The following DTNB variants were observed in gnomAD, a reference collection of about 807,000 sequenced individuals.
DTNB encodes dystrobrevin beta, also known as DTN-B.
A neutral mutation model predicts 90.7 loss-of-function variants in DTNB; 63 were observed. The observed-to-expected ratio is 0.69, with a 90% confidence interval of 0.57 to 0.86. The LOEUF is 0.86. Ranked by LOEUF, DTNB falls within the 40% of genes least tolerant of loss-of-function variation. The pLI is 0.00. For synonymous variants in DTNB, 277 were observed against 286.7 expected, an observed-to-expected ratio of 0.97 and a Z score of 0.34; for missense variants, 744 against 807.1, an observed-to-expected ratio of 0.92 and a Z score of 0.95.
Position 25,554,394 on chromosome 2 carries a change from T to G in DTNB, c.876+22444A>C, listed in dbSNP as rs552417590. Among the ~76,000 whole-genome samples, 4 of 152,080 alleles carry G rather than the reference T, an allele frequency of 2.6e-5. No individual in the cohort carries two copies. The South Asian group carries it at 8.3e-4, about 32-fold the overall frequency. ...AGTCTCATTTTTTTTTTCAAAAAAT[T>G]TATTGAGAATTTTACTGCTTTACAA... On this transcript the variant is annotated intron_variant, in intron 8 of 20. Coordinates refer to ENST00000406818, the MANE Select transcript of DTNB (RefSeq NM_021907.5).
intron 12 of DTNB, among the ~76,000 whole-genome samples, chr2:25,446,575 T>C (rs558642143): frequency 6.6e-6 from 1 of 152,284 alleles, no homozygotes; most frequent in East Asian, 1.9e-4. Context: ...AAGGGATTTT[T>C]TTTTTCCTTT....
rs74922000 is a variant in DTNB at position 25,567,334 on chromosome 2, G to A, written c.876+9504C>T. Among the ~76,000 whole-genome samples, 149 of 152,236 alleles carry A rather than the reference G, an allele frequency of 9.8e-4. 1 individual carries two copies. Among genetic ancestry groups the A allele is most frequent in the African/African-American group, 3.4e-3 (141 of 41,536 alleles). On this transcript the variant is annotated intron_variant, in intron 8 of 20. Coordinates refer to ENST00000406818, the MANE Select transcript of DTNB (RefSeq NM_021907.5). Reference sequence around the variant, plus strand: ...GAGGGACACCAGTCACATGGAAATTGAACACTGCTTCTGACCAAGATAAGT... The same window carrying A: ...GAGGGACACCAGTCACATGGAAATTAAACACTGCTTCTGACCAAGATAAGT...
chr2:25,607,749 A>G (rs988656776), intron 4 of DTNB, among the ~76,000 whole-genome samples: 1 of 152,200 alleles, frequency 6.6e-6, no homozygotes, highest in African/African-American at 2.4e-5. Context: ...GTTACATACT[A>G]AACAACAGGG....
chr2:25,413,507 C>T (rs765782057), intron 16 of DTNB, among the ~76,000 whole-genome samples: 6 of 148,800 alleles, frequency 4.0e-5, no homozygotes, highest in Non-Finnish European at 8.9e-5. Flanking sequence ...TGAGTGAGAA[C>T]ATGCGGTGTT....
chr2:25,444,393 G>C (rs1255863207), intron 12 of DTNB, among the ~76,000 whole-genome samples: 1 of 151,924 alleles, frequency 6.6e-6, no homozygotes, highest in African/African-American at 2.4e-5. Context: ...TTAGCCGGGT[G>C]TGGTGGCAGG....
intron 9 of DTNB, among the ~76,000 whole-genome samples, chr2:25,520,628 T>A (rs1159615685): frequency 6.6e-6 from 1 of 152,222 alleles, no homozygotes; most frequent in Non-Finnish European, 1.5e-5. Context: ...TATGAATAAG[T>A]AGAAAACAAG....
intron 8 of DTNB, among the ~76,000 whole-genome samples, chr2:25,572,990 G>T (rs2060112216): frequency 6.6e-6 from 1 of 151,518 alleles, no homozygotes; most frequent in Non-Finnish European, 1.5e-5. Context: ...GCCCAGGCTG[G>T]AGTGCAATGG....
intron 8 of DTNB, among the ~76,000 whole-genome samples, chr2:25,537,437 T>A (rs1262301222): frequency 6.6e-6 from 1 of 152,124 alleles, no homozygotes; most frequent in Non-Finnish European, 1.5e-5. Context: ...TCAAGATGAA[T>A]TCCAAATAAT....
chr2:25,665,383 TTGGGAGGC>T (rs2084176033), intron 1 of DTNB, among the ~76,000 whole-genome samples: 1 of 152,118 alleles, frequency 6.6e-6, no homozygotes, highest in Non-Finnish European at 1.5e-5. Flanking sequence ...TCCCAGCACC[TTGGGAGGC>T]TGAGGCGGGT....
chr2:25,647,153 C>T (rs2148897031), intron 2 of DTNB, among the ~76,000 whole-genome samples: 1 of 152,266 alleles, frequency 6.6e-6, no homozygotes, highest in African/African-American at 2.4e-5. Flanking sequence ...ACAAAATAGA[C>T]TTCAAAGCAT....
At chr2:25,425,660 G>A (rs958637798) in intron 15 of DTNB, among the ~76,000 whole-genome samples, 1 of 152,172 alleles carries the variant, frequency 6.6e-6, no homozygotes, top group Admixed American at 6.5e-5. Flanking sequence ...CCTGTCATCT[G>A]GCTTTGGGGG....
At chr2:25,526,395 A>ATATAT in intron 9 of DTNB, among the ~76,000 whole-genome samples, 37 of 49,826 alleles carry the variant, frequency 7.4e-4, no homozygotes, top group South Asian at 1.3e-3. Flanking sequence ...ATATATATAT[A>ATATAT]TTTTTTTTTT....
Position 25,639,052 on chromosome 2 carries a change from G to A in DTNB, c.110C>T (p.Thr37Ile). The A allele has an allele frequency of 6.3e-7, 1 of 1,593,494 alleles. No individual in the cohort carries two copies. The highest frequency in any genetic ancestry group is 8.6e-7 in the Non-Finnish European group (1 of 1,167,580). ...FDVIRLSTYRTACKLRFVQKR... is the reference protein window; with the variant it reads ...FDVIRLSTYRIACKLRFVQKR... The stretch of plus-strand genomic sequence containing the variant: ...TTGTACAAATCGTAATTTGCAGGCT[G>A]TTCTGTAAGTTGATAGTCGTATGAC... The change falls in exon 3 of 21, where the codon ACA (threonine) becomes ATA (isoleucine). Residue 37 changes from threonine (T) to isoleucine (I), a missense_variant. Transcript: ENST00000406818.
intron 8 of DTNB, among the ~76,000 whole-genome samples, chr2:25,572,435 C>A (rs1327087267): frequency 1.3e-5 from 2 of 151,336 alleles, no homozygotes; most frequent in African/African-American, 4.9e-5. Context: ...CCACTGCACT[C>A]CAGCCTGGGC....
intron 1 of DTNB, among the ~76,000 whole-genome samples, chr2:25,667,152 AAAAG>A (rs1366069343): frequency 6.6e-6 from 1 of 151,946 alleles, no homozygotes; most frequent in African/African-American, 2.4e-5. Flanking sequence ...AAAAAAAAAA[AAAAG>A]AAAAGAAAAC....
rs542425886 is a variant in DTNB, at chr2:25,666,846, C to G, written c.-2+6540G>C. ...AGAAACGGAGATATCTGGGCCAGAC[C>G]CACTGCTCAAGGCCAGCAATGATGC... On this transcript the variant is annotated intron_variant, in intron 1 of 20. Transcript: ENST00000406818. 2.2e-4 allele frequency among the ~76,000 whole-genome samples: 34 copies of G among 152,076 alleles called. No homozygotes were observed. The South Asian group carries it at 7.1e-3, about 32-fold the overall frequency.
At chr2:25,473,584 G>A (rs1002447505) in intron 10 of DTNB, among the ~76,000 whole-genome samples, 3 of 152,162 alleles carry the variant, frequency 2.0e-5, no homozygotes, top group Non-Finnish European at 4.4e-5. Context: ...AGGGGTGTGT[G>A]CGCATGTATG....
chr2:25,645,876 TAAAGA>T (rs1016489045), intron 2 of DTNB, among the ~76,000 whole-genome samples: 9 of 151,928 alleles, frequency 5.9e-5, no homozygotes, highest in African/African-American at 1.9e-4. Flanking sequence ...ATTTCTAGGG[TAAAGA>T]AAAGAAAAAT....
intron 8 of DTNB, among the ~76,000 whole-genome samples, chr2:25,544,585 G>C (rs1425455350): frequency 6.6e-6 from 1 of 152,092 alleles, no homozygotes; most frequent in Admixed American, 6.6e-5. Context: ...TCCCCCAGTG[G>C]CAGACTCTTG....
Sources: allele counts gnomAD v4.1 joint callset (sites outside exome capture counted in the v4.1 genomes callset), GRCh38; gene constraint gnomAD v4.1.1; transcripts MANE v1.5; gene names NCBI Gene and HGNC (gene_info 2026-07-23, HGNC 2026-07-21).